Variants in CSNK1G1 observed in about 807,000 individuals in gnomAD.
The protein encoded by CSNK1G1 is casein kinase 1 gamma 1.
A neutral mutation model predicts 59.6 loss-of-function variants in CSNK1G1; 22 were observed. The ratio of observed to expected loss-of-function variants is 0.37; its 90% confidence interval spans 0.26 to 0.53. The LOEUF (loss-of-function observed/expected upper bound fraction) is 0.53, where lower values mean the gene tolerates loss of function less well. CSNK1G1 is among the 20% of genes least tolerant of loss of function. The probability of loss-of-function intolerance (pLI) is 0.89; values close to 1 mark genes in which losing one functional copy is unlikely to be tolerated. For synonymous variants in CSNK1G1, 179 were observed against 177.1 expected (o/e 1.01, Z -0.08); for missense variants, 384 against 519.5 (o/e 0.74, Z 2.54).
intron 4 of CSNK1G1, among the ~76,000 whole-genome samples, chr15:64,233,588 T>C (rs1485262310): frequency 1.3e-5 from 2 of 152,246 alleles, no homozygotes; most frequent in Non-Finnish European, 2.9e-5. Context: ...TAGGGTACAC[T>C]GTTAGCCACA....
chr15:64,345,985 T>G (rs1296620218), intron 1 of CSNK1G1, among the ~76,000 whole-genome samples: 2 of 152,060 alleles, frequency 1.3e-5, no homozygotes, highest in African/African-American at 4.8e-5. Flanking sequence ...GAAACGGGGT[T>G]TCACCTTGTT....
intron 7 of CSNK1G1, among the ~76,000 whole-genome samples, chr15:64,205,173 T>C (rs72756931): frequency 0.044 from 6,728 of 152,302 alleles, 194 homozygotes; most frequent in South Asian, 0.085. Context: ...AATATTTAGT[T>C]GTCTCAGATA....
chr15:64,243,475 C>G (rs1891581337), intron 4 of CSNK1G1, among the ~76,000 whole-genome samples: 1 of 152,058 alleles, frequency 6.6e-6, no homozygotes, highest in Non-Finnish European at 1.5e-5. Context: ...AATTTCTCCT[C>G]AAAAAATTGG....
intron 2 of CSNK1G1, chr15:64,265,813 C>T (rs1348591121): frequency 2.2e-6 from 1 of 456,560 alleles, no homozygotes; most frequent in Middle Eastern, 3.3e-4. Context: ...GTCACAGTGG[C>T]TTATGCCTAT....
chr15:64,198,421 G>T (rs1031384062), intron 10 of CSNK1G1, among the ~76,000 whole-genome samples: 2 of 151,648 alleles, frequency 1.3e-5, no homozygotes, highest in African/African-American at 2.4e-5. Context: ...GGCCAGGCTG[G>T]TCTCGAACTC....
At chr15:64,201,272 A>C (rs1354313360) in intron 10 of CSNK1G1, among the ~76,000 whole-genome samples, 1 of 94,908 alleles carries the variant, frequency 1.1e-5, no homozygotes, top group Non-Finnish European at 2.1e-5. Flanking sequence ...ACACTGTCTC[A>C]AAAAAAAAAA....
rs1437047155 is a variant in CSNK1G1 at position 64,169,841 on chromosome 15, C to T, written c.*2090G>A. On this transcript the variant is annotated 3_prime_UTR_variant, in exon 12 of 12. Transcript: ENST00000303052. ...GTTTGATGCCAGTGAAATGATATTC[C>T]CTAGCCAAGGTCCAATGGAACAGAT... 6.6e-6 allele frequency: 1 copy of T among 152,090 alleles called. No individual in the cohort carries two copies. The highest frequency in any genetic ancestry group is 2.4e-5 in the African/African-American group (1 of 41,394). The allele number at this position is 152,090 out of a possible 1,614,324, so 9.4% of individuals were successfully genotyped here. A position where few individuals can be genotyped will look rare whatever the true frequency, so the allele number is the denominator to read the frequency against.
chr15:64,317,080 C>G (rs1293545951), intron 1 of CSNK1G1: 1 of 152,134 alleles, frequency 6.6e-6, no homozygotes, highest in East Asian at 1.9e-4. Context: ...CATGTCACAG[C>G]CTTTAGAGAC....
Position 64,324,295 on chromosome 15 carries a change from T to C in CSNK1G1, c.-224-23572A>G, listed in dbSNP as rs1021962106. On this transcript the variant is annotated intron_variant, in intron 1 of 11. Coordinates refer to ENST00000303052, the MANE Select transcript of CSNK1G1 (RefSeq NM_022048.5). ...GTTCCTGGGTGTTTCTGTGAGGGTATTGCCAAAGAAGATTAAGATTTGAGT... is the reference window on the plus strand; with the variant it reads ...GTTCCTGGGTGTTTCTGTGAGGGTACTGCCAAAGAAGATTAAGATTTGAGT... 1.2e-4 allele frequency among the ~76,000 whole-genome samples: 18 copies of C among 152,200 alleles called. 1 individual carries two copies. Among genetic ancestry groups the C allele is most frequent in the Admixed American group, 7.9e-4 (12 of 15,282 alleles).
chr15:64,208,549 TACAG>T (rs1300737911), intron 6 of CSNK1G1, among the ~76,000 whole-genome samples: 1 of 152,194 alleles, frequency 6.6e-6, no homozygotes, highest in Non-Finnish European at 1.5e-5. Context: ...TATTCTTTTT[TACAG>T]ACAGAGTCCT....
intron 1 of CSNK1G1, among the ~76,000 whole-genome samples, chr15:64,311,173 G>A (rs1015458279): frequency 7.3e-5 from 11 of 151,206 alleles, no homozygotes; most frequent in African/African-American, 2.7e-4. Flanking sequence ...AGCCTCCCAA[G>A]TAGCTGGGAT....
At chr15:64,246,124 T>C (rs570895590) in intron 4 of CSNK1G1, among the ~76,000 whole-genome samples, 46 of 152,278 alleles carry the variant, frequency 3.0e-4, no homozygotes, top group Admixed American at 4.6e-4. Flanking sequence ...TGGTAAATGT[T>C]TGAGGTAATG....
At chr15:64,222,411 TAAAG>T (rs1201739360) in intron 4 of CSNK1G1, among the ~76,000 whole-genome samples, 3 of 26,392 alleles carry the variant, frequency 1.1e-4, no homozygotes, top group Admixed American at 4.6e-4. Context: ...TTAGAAGAAA[TAAAG>T]AAATAACAAC....
intron 2 of CSNK1G1, among the ~76,000 whole-genome samples, chr15:64,266,836 T>G (rs912728407): frequency 3.9e-5 from 6 of 152,184 alleles, no homozygotes; most frequent in African/African-American, 1.4e-4. Flanking sequence ...TAGACCCTTA[T>G]CTCTCACCTT....
intron 1 of CSNK1G1, among the ~76,000 whole-genome samples, chr15:64,316,230 C>T (rs956166140): frequency 6.6e-6 from 1 of 151,340 alleles, no homozygotes; most frequent in African/African-American, 2.4e-5. Context: ...AACAAACAAA[C>T]AAACAAACAG....
intron 1 of CSNK1G1, among the ~76,000 whole-genome samples, chr15:64,350,635 G>A (rs1898235977): frequency 1.3e-5 from 2 of 152,112 alleles, no homozygotes; most frequent in Admixed American, 1.3e-4. Context: ...ATATAAAAAT[G>A]CAAGATCTTT....
In CSNK1G1 at chr15:64,300,395, A is replaced by G; in HGVS notation, c.105T>C (p.Ser35=). ...CSRPSGSSSS[S]GVLMVGPNFR... is the part of the protein sequence containing the mutation. ...AGTTGGGTCCCACCATAAGAACCCCAGAGGACGATGAGGAGCCAGATGGTC... is the reference window on the plus strand; with the variant it reads ...AGTTGGGTCCCACCATAAGAACCCCGGAGGACGATGAGGAGCCAGATGGTC... Residue 35 remains serine (S), a synonymous_variant, in exon 2 of 12, where the codon TCT becomes TCC. Coordinates refer to ENST00000303052, the MANE Select transcript of CSNK1G1 (RefSeq NM_022048.5). 6.2e-7 allele frequency: 1 copy of G among 1,614,184 alleles called. No individual in the cohort carries two copies. Among genetic ancestry groups the G allele is most frequent in the Non-Finnish European group, 8.5e-7 (1 of 1,180,030 alleles).
chr15:64,259,281 A>C, intron 2 of CSNK1G1, 40 bp from the exon 3 acceptor site: 1 of 1,506,638 alleles, frequency 6.6e-7, no homozygotes, highest in Non-Finnish European at 9.1e-7. Context: ...AGTGACATTT[A>C]TTCTGGGAAA....
In CSNK1G1 at chr15:64,313,824, T is replaced by G. The variant is rs1244003736; in HGVS notation, c.-224-13101A>C. On this transcript the variant is annotated intron_variant, in intron 1 of 11. Transcript: ENST00000303052. ...AAAAAACCCCAAAAACCAAGAACTT[T>G]TTTTTTAATCTTAAAAATAAAAGTT... 2.6e-5 allele frequency among the ~76,000 whole-genome samples: 4 copies of G among 151,074 alleles called. No individual in the cohort carries two copies. In the East Asian group the frequency reaches 7.7e-4, roughly 29 times the overall value.
Sources: allele counts gnomAD v4.1 joint callset (sites outside exome capture counted in the v4.1 genomes callset), GRCh38; gene constraint gnomAD v4.1.1; transcripts MANE v1.5; gene names NCBI Gene and HGNC (gene_info 2026-07-23, HGNC 2026-07-21).